ELOVL7: variants seen among roughly 807,000 people sequenced by gnomAD.
The protein encoded by ELOVL7 is very long chain fatty acid elongase 7.
Under a neutral mutation model 35.7 loss-of-function variants are expected in ELOVL7, and 27 were observed. That is an observed-to-expected ratio of 0.76 (90% CI 0.56 to 1.04). The LOEUF (loss-of-function observed/expected upper bound fraction) is 1.04, where lower values mean the gene tolerates loss of function less well. Ranked by LOEUF, ELOVL7 falls within the 50% of genes least tolerant of loss-of-function variation. The probability of loss-of-function intolerance (pLI) is 0.00; values close to 1 mark genes in which losing one functional copy is unlikely to be tolerated. For missense variants in ELOVL7, 327 were observed against 340.8 expected, an observed-to-expected ratio of 0.96 and a Z score of 0.32; for synonymous variants, 113 against 114.6, an observed-to-expected ratio of 0.99 and a Z score of 0.09.
intron 1 of ELOVL7, among the ~76,000 whole-genome samples, chr5:60,814,730 AG>A (rs1225122555): frequency 1.3e-5 from 2 of 152,230 alleles, no homozygotes; most frequent in African/African-American, 4.8e-5. Context: ...TTCAAAGTTC[AG>A]GGTTCCAGTC....
At chr5:60,755,552 G>C (rs1341627349) in intron 8 of ELOVL7, among the ~76,000 whole-genome samples, 1 of 152,194 alleles carries the variant, frequency 6.6e-6, no homozygotes, top group Non-Finnish European at 1.5e-5. Flanking sequence ...AGCTACTCAG[G>C]AGGCTGAGGC....
intron 1 of ELOVL7, among the ~76,000 whole-genome samples, chr5:60,827,831 T>C (rs1398011892): frequency 6.6e-6 from 1 of 152,174 alleles, no homozygotes; most frequent in African/African-American, 2.4e-5. Context: ...CCAGTTTTGG[T>C]ACCACAACCC....
intron 1 of ELOVL7, among the ~76,000 whole-genome samples, chr5:60,820,494 G>A (rs1369160617): frequency 1.3e-5 from 2 of 152,222 alleles, no homozygotes; most frequent in Middle Eastern, 3.2e-3. Flanking sequence ...GCCAGGCCCT[G>A]TGACCAGTGT....
chr5:60,776,767 T>G (rs969616196), intron 3 of ELOVL7, among the ~76,000 whole-genome samples: 1 of 152,168 alleles, frequency 6.6e-6, no homozygotes, highest in Non-Finnish European at 1.5e-5. Flanking sequence ...TTTTAAGTAC[T>G]ATGTTCACTA....
chr5:60,755,565 G>A (rs538283433), intron 8 of ELOVL7, among the ~76,000 whole-genome samples: 1 of 152,278 alleles, frequency 6.6e-6, no homozygotes, highest in East Asian at 1.9e-4. Context: ...GCTGAGGCAG[G>A]AGAATCGCTT....
At chr5:60,822,462 G>A (rs953125381) in intron 1 of ELOVL7, among the ~76,000 whole-genome samples, 3 of 152,184 alleles carry the variant, frequency 2.0e-5, no homozygotes, top group Admixed American at 6.5e-5. Context: ...CAAGAAGACC[G>A]AGTGGGGTTT....
At chr5:60,815,956 A>G (rs1372309921) in intron 1 of ELOVL7, among the ~76,000 whole-genome samples, 1 of 152,220 alleles carries the variant, frequency 6.6e-6, no homozygotes, top group Non-Finnish European at 1.5e-5. Flanking sequence ...GGTGTGGAAT[A>G]ACGCTAGTAA....
intron 1 of ELOVL7, among the ~76,000 whole-genome samples, chr5:60,829,305 T>C (rs1431318722): frequency 6.6e-6 from 1 of 152,146 alleles, no homozygotes; most frequent in Non-Finnish European, 1.5e-5. Context: ...ATGTTAGCAA[T>C]TGTTATTTCT....
chr5:60,819,019 G>A (rs1323259459), intron 1 of ELOVL7, among the ~76,000 whole-genome samples: 3 of 85,718 alleles, frequency 3.5e-5, no homozygotes, highest in Non-Finnish European at 4.6e-5. Context: ...AAGAGAAGAG[G>A]AGAGGGGAGG....
At chr5:60,828,815 A>T (rs1415169006) in intron 1 of ELOVL7, among the ~76,000 whole-genome samples, 1 of 152,208 alleles carries the variant, frequency 6.6e-6, no homozygotes, top group African/African-American at 2.4e-5. Flanking sequence ...TTTGCTACTT[A>T]GACTCCGTAT....
chr5:60,838,852 C>T lies in ELOVL7; in HGVS notation c.-86+5308G>A, dbSNP rs144169612. ...CAGCCTGGCCAACATAGTGAAACCC[C>T]GTCTCTACTAAAAATATAAAAATTA... On this transcript the variant is annotated intron_variant, in intron 1 of 8. Transcript: ENST00000508821. 1.8e-3 allele frequency among the ~76,000 whole-genome samples: 267 copies of T among 151,526 alleles called. 1 individual carries two copies. The highest frequency in any genetic ancestry group is 6.3e-3 in the African/African-American group (262 of 41,260).
intron 1 of ELOVL7, among the ~76,000 whole-genome samples, chr5:60,828,908 T>G (rs979794996): frequency 7.2e-5 from 11 of 152,186 alleles, no homozygotes; most frequent in Non-Finnish European, 1.5e-4. Flanking sequence ...GATTGGCTAT[T>G]TGATGACATT....
rs1275358854 is a variant in ELOVL7, at chr5:60,754,239, T to G, written c.*385A>C. ...TCCAGACCCAGCAGAAGGAATCTATTTTATCACATGGATCTCCGTCTGTGC... is the reference window on the plus strand; with the variant it reads ...TCCAGACCCAGCAGAAGGAATCTATGTTATCACATGGATCTCCGTCTGTGC... On this transcript the variant is annotated 3_prime_UTR_variant, in exon 9 of 9. Coordinates refer to ENST00000508821, the MANE Select transcript of ELOVL7 (RefSeq NM_024930.3). 4 of 185,018 alleles carry G rather than the reference T, an allele frequency of 2.2e-5. No individual in the cohort carries two copies. The highest frequency in any genetic ancestry group is 4.6e-5 in the Non-Finnish European group (4 of 87,752). 11.5% of individuals were successfully genotyped at this position (185,018 alleles called of 1,614,324 possible).
At chr5:60,774,898 T>A (rs1210705518) in intron 3 of ELOVL7, among the ~76,000 whole-genome samples, 1 of 151,986 alleles carries the variant, frequency 6.6e-6, no homozygotes, top group Non-Finnish European at 1.5e-5. Flanking sequence ...CCTGAGGAGC[T>A]GGGATTACAG....
In ELOVL7 at chr5:60,781,290, G is replaced by A. The variant is rs181762623; in HGVS notation, c.64+6044C>T. ...GGATGTTACATCACCACCTTTGCAT[G>A]GTGGGAGTTTAGTTGACTTTTGTTT... On this transcript the variant is annotated intron_variant, in intron 3 of 8. Coordinates refer to ENST00000508821, the MANE Select transcript of ELOVL7 (RefSeq NM_024930.3). 7.3e-5 allele frequency among the ~76,000 whole-genome samples: 11 copies of A among 151,704 alleles called. No homozygotes were observed. The East Asian group carries it at 1.9e-3, about 27-fold the overall frequency.
chr5:60,783,615 C>T (rs542999468), intron 3 of ELOVL7, among the ~76,000 whole-genome samples: 2 of 152,306 alleles, frequency 1.3e-5, no homozygotes, highest in Admixed American at 6.5e-5. Flanking sequence ...TTCTTCCAAA[C>T]AGCTCTATTT....
intron 6 of ELOVL7, among the ~76,000 whole-genome samples, chr5:60,765,848 T>TTG (rs1415812425): frequency 2.0e-5 from 3 of 152,146 alleles, no homozygotes; most frequent in African/African-American, 7.2e-5. Context: ...AAAACACACT[T>TTG]TTCAGTCTGA....
chr5:60,802,402 C>G (rs556167017), intron 1 of ELOVL7, among the ~76,000 whole-genome samples: 1 of 152,012 alleles, frequency 6.6e-6, no homozygotes, highest in East Asian at 1.9e-4. Context: ...TCAGACATGA[C>G]GACACCCATG....
intron 1 of ELOVL7, among the ~76,000 whole-genome samples, chr5:60,803,914 T>C (rs2112296114): frequency 6.6e-6 from 1 of 152,324 alleles, no homozygotes; most frequent in East Asian, 1.9e-4. Flanking sequence ...ATCTCAATTT[T>C]CACTTCCTCA....
Sources: gnomAD v4.1 joint callset for allele counts (sites outside exome capture counted in the v4.1 genomes callset) on GRCh38, gnomAD v4.1.1 for gene constraint, MANE v1.5 for transcripts, NCBI Gene and HGNC (gene_info 2026-07-23, HGNC 2026-07-21) for gene names.